Variants in PPFIBP2 observed in about 807,000 individuals in gnomAD.
PPFIBP2 encodes PPFIB scaffold protein 2.
Under a neutral mutation model 118.3 loss-of-function variants are expected in PPFIBP2, and 118 were observed. The observed-to-expected ratio is 1.00, with a 90% CI of 0.86 to 1.16. The LOEUF is 1.16. Ranked by LOEUF, PPFIBP2 falls within the 50% of genes most tolerant of loss-of-function variation. The pLI, the probability that PPFIBP2 is intolerant of heterozygous loss-of-function variation, is 0.00. For synonymous variants in PPFIBP2, 414 were observed against 397.4 expected (o/e 1.04, Z -0.50); for missense variants, 1,195 against 1,073.1 (o/e 1.11, Z -1.59).
the PPFIBP2 span, chr11:7,666,853 G>GCC: frequency 4.6e-6 from 1 of 215,628 alleles, no homozygotes; most frequent in South Asian, 8.2e-5. Context: ...GGCTTCACTC[G>GCC]GAGCTCCAGC....
chr11:7,563,584 T>G (rs1256774902), intron 2 of PPFIBP2, among the ~76,000 whole-genome samples: 1 of 152,166 alleles, frequency 6.6e-6, no homozygotes, highest in African/African-American at 2.4e-5. Flanking sequence ...TAAAGGGACC[T>G]GGAATTGGAT....
intron 9 of PPFIBP2, 90 bp from the exon 10 acceptor site, chr11:7,629,369 T>A (rs112321749): frequency 7.9e-7 from 1 of 1,273,464 alleles, no homozygotes; most frequent in East Asian, 2.3e-5. Context: ...TTTCTTCTCC[T>A]TGTGCCAAGA....
chr11:7,666,059 TC>T, the PPFIBP2 span: 1 of 726,822 alleles, frequency 1.4e-6, no homozygotes, highest in Non-Finnish European at 2.4e-6. Context: ...GCTCAGCATG[TC>T]CAGGTGAGGT....
chr11:7,519,838 G>A (rs534536879), intron 1 of PPFIBP2, among the ~76,000 whole-genome samples: 206 of 152,284 alleles, frequency 1.4e-3, no homozygotes, highest in Non-Finnish European at 2.5e-3. Context: ...ACCAACGTTG[G>A]ATTTTCGGAC....
At chr11:7,624,986 T>C (rs1849796289) in intron 7 of PPFIBP2, among the ~76,000 whole-genome samples, 1 of 152,198 alleles carries the variant, frequency 6.6e-6, no homozygotes, top group Non-Finnish European at 1.5e-5. Context: ...CTGATGAGTA[T>C]GGGAAAGCAT....
chr11:7,563,645 C>T (rs970186826), intron 2 of PPFIBP2, among the ~76,000 whole-genome samples: 5 of 152,170 alleles, frequency 3.3e-5, no homozygotes, highest in African/African-American at 1.2e-4. Flanking sequence ...TCACATTTTC[C>T]AGTAGAGTCC....
At chr11:7,632,558 C>T in intron 11 of PPFIBP2, 1 of 199,380 alleles carries the variant, frequency 5.0e-6, no homozygotes, top group Non-Finnish European at 1.0e-5. Context: ...AGCTGAAGAA[C>T]CAAGATCAGA....
At chr11:7,640,750 AG>A (rs1318996808) in intron 15 of PPFIBP2, among the ~76,000 whole-genome samples, 1 of 152,180 alleles carries the variant, frequency 6.6e-6, no homozygotes, top group Non-Finnish European at 1.5e-5. Context: ...TGGAGTATTC[AG>A]CCCCTGCTGC....
chr11:7,563,547 C>G (rs1554953727), intron 2 of PPFIBP2, among the ~76,000 whole-genome samples: 1 of 152,076 alleles, frequency 6.6e-6, no homozygotes, highest in Non-Finnish European at 1.5e-5. Context: ...TTCTGCCTGG[C>G]AAGGAGGAGG....
intron 12 of PPFIBP2, among the ~76,000 whole-genome samples, chr11:7,633,481 G>A (rs1267115826): frequency 6.6e-6 from 1 of 152,114 alleles, no homozygotes; most frequent in African/African-American, 2.4e-5. Flanking sequence ...CCGTACTTCA[G>A]CACACATTTT....
chr11:7,652,255 A>G (rs757010677), intron 23 of PPFIBP2, among the ~76,000 whole-genome samples: 2 of 152,206 alleles, frequency 1.3e-5, no homozygotes, highest in South Asian at 2.1e-4. Context: ...AGTGCTTCCA[A>G]TGGAAGCTGG....
At chr11:7,568,449 T>C (rs1855258475) in intron 3 of PPFIBP2, among the ~76,000 whole-genome samples, 1 of 152,172 alleles carries the variant, frequency 6.6e-6, no homozygotes, top group African/African-American at 2.4e-5. Flanking sequence ...GAATCATTTC[T>C]TTAGTATGTT....
At chr11:7,579,633 A>G (rs1856963293) in intron 3 of PPFIBP2, among the ~76,000 whole-genome samples, 2 of 152,220 alleles carry the variant, frequency 1.3e-5, no homozygotes, top group Admixed American at 6.5e-5. Flanking sequence ...TCTGCCTGCT[A>G]CAGGAGAAGT....
intron 3 of PPFIBP2, among the ~76,000 whole-genome samples, chr11:7,589,750 T>A (rs993439884): frequency 6.6e-5 from 10 of 152,196 alleles, no homozygotes; most frequent in Non-Finnish European, 1.0e-4. Flanking sequence ...TATCGCTGAC[T>A]TACCTAATCA....
chr11:7,634,499 C>T lies in PPFIBP2; in HGVS notation c.1141C>T (p.Gln381Ter), dbSNP rs774386092. ...TTTCTTTTGTGTTTTTTTCAGGGCT[C>T]AGAAAAAGCTCTCTTGTAGTCTAGA... ...LPQKSLETRA[Q>*]KKLSCSLEDL... The change falls in exon 13 of 24, where the codon CAG becomes TAG. Residue 381 changes from glutamine (Q) to a stop codon, truncating the protein, a stop_gained. Transcript: ENST00000299492. LOFTEE classifies it high-confidence loss of function. 3 of 1,611,666 alleles carry T rather than the reference C, an allele frequency of 1.9e-6. No individual in the cohort carries two copies. The highest frequency in any genetic ancestry group is 1.1e-5 in the South Asian group (1 of 91,030).
intron 1 of PPFIBP2, among the ~76,000 whole-genome samples, chr11:7,537,650 A>G (rs1395385071): frequency 1.3e-5 from 2 of 151,914 alleles, no homozygotes; most frequent in East Asian, 3.9e-4. Flanking sequence ...AAAGTTCTCT[A>G]AGTGGCTACG....
the PPFIBP2 span, chr11:7,666,424 G>C: frequency 1.4e-6 from 2 of 1,460,994 alleles, no homozygotes; most frequent in Admixed American, 1.7e-5. Context: ...GCTGACCCAT[G>C]GTGAGTGAGG....
intron 1 of PPFIBP2, among the ~76,000 whole-genome samples, chr11:7,543,043 C>A (rs1331923929): frequency 6.6e-6 from 1 of 152,226 alleles, no homozygotes; most frequent in Admixed American, 6.5e-5. Flanking sequence ...TACTCTCTCT[C>A]CTTTGCCCTT....
intron 3 of PPFIBP2, chr11:7,568,986 T>C (rs549733736): frequency 1.3e-5 from 2 of 152,362 alleles, no homozygotes; most frequent in African/African-American, 2.4e-5. Flanking sequence ...AAATGTATCT[T>C]GTACTGCTGC....
Sources: allele counts gnomAD v4.1 joint callset (sites outside exome capture counted in the v4.1 genomes callset), GRCh38; gene constraint gnomAD v4.1.1; transcripts MANE v1.5; gene names NCBI Gene and HGNC (gene_info 2026-07-23, HGNC 2026-07-21).